The following CLSTN2 variants were observed in gnomAD, a reference collection of about 807,000 sequenced individuals.
CLSTN2 encodes the protein calsyntenin-2.
Under a neutral mutation model 101.2 loss-of-function variants are expected in CLSTN2, and 48 were observed. The ratio of observed to expected loss-of-function variants is 0.47; its 90% CI spans 0.38 to 0.60. CLSTN2 has a LOEUF of 0.60. CLSTN2 is among the 20% of genes least tolerant of loss of function. The probability of loss-of-function intolerance (pLI) is 0.00; values close to 1 mark genes in which losing one functional copy is unlikely to be tolerated. For missense variants in CLSTN2, 1,160 were observed against 1,238.2 expected, an observed-to-expected ratio of 0.94 and a Z score of 0.95; for synonymous variants, 481 against 463.6, an observed-to-expected ratio of 1.04 and a Z score of -0.48.
intron 2 of CLSTN2, among the ~76,000 whole-genome samples, chr3:140,243,006 T>C (rs1323480521): frequency 6.6e-6 from 1 of 152,230 alleles, no homozygotes; most frequent in African/African-American, 2.4e-5. Context: ...TTGTTAAGCT[T>C]GAAATCTTGC....
intron 1 of CLSTN2, among the ~76,000 whole-genome samples, chr3:140,076,749 A>G (rs1053881098): frequency 1.4e-5 from 2 of 147,330 alleles, no homozygotes; most frequent in African/African-American, 5.0e-5. Flanking sequence ...GAATGCCTGC[A>G]TGATTTATTT....
chr3:140,090,651 G>A (rs1038131831), intron 1 of CLSTN2, among the ~76,000 whole-genome samples: 2 of 152,094 alleles, frequency 1.3e-5, no homozygotes, highest in African/African-American at 2.4e-5. Flanking sequence ...CAGAAAATAG[G>A]GAACAGTGAA....
intron 2 of CLSTN2, among the ~76,000 whole-genome samples, chr3:140,319,223 C>T (rs904224753): frequency 6.6e-6 from 1 of 152,268 alleles, no homozygotes; most frequent in Middle Eastern, 3.4e-3. Context: ...TACTACAAGA[C>T]ACCTAGAGCC....
chr3:140,025,129 C>T (rs2007392083), intron 1 of CLSTN2, among the ~76,000 whole-genome samples: 1 of 152,162 alleles, frequency 6.6e-6, no homozygotes, highest in African/African-American at 2.4e-5. Flanking sequence ...CTTCAGCTCC[C>T]CATTTTTTGT....
intron 2 of CLSTN2, among the ~76,000 whole-genome samples, chr3:140,245,348 G>C (rs2086506697): frequency 6.6e-6 from 1 of 152,156 alleles, no homozygotes; most frequent in Non-Finnish European, 1.5e-5. Flanking sequence ...GTGCCAGGCT[G>C]TGTGCTGAGC....
chr3:140,278,162 C>T (rs528588074), intron 2 of CLSTN2, among the ~76,000 whole-genome samples: 1 of 152,280 alleles, frequency 6.6e-6, no homozygotes, highest in South Asian at 2.1e-4. Flanking sequence ...AGACTGAGCA[C>T]TCAAAATTGG....
intron 10 of CLSTN2, among the ~76,000 whole-genome samples, chr3:140,555,961 G>T (rs1576625356): frequency 6.6e-6 from 1 of 152,296 alleles, no homozygotes; most frequent in South Asian, 2.1e-4. Context: ...CAACTCATGG[G>T]AAACCAGAGT....
chr3:140,459,267 C>G (rs1933495650), intron 6 of CLSTN2, among the ~76,000 whole-genome samples: 1 of 152,222 alleles, frequency 6.6e-6, no homozygotes, highest in Non-Finnish European at 1.5e-5. Context: ...TCCTCCGACA[C>G]TTTTTTCTTG....
chr3:140,129,577 C>G (rs1194615094), intron 1 of CLSTN2, among the ~76,000 whole-genome samples: 1 of 152,170 alleles, frequency 6.6e-6, no homozygotes. Context: ...AATTGATGTT[C>G]TCATTATTAG....
chr3:140,323,040 T>C (rs2087298390), intron 2 of CLSTN2, among the ~76,000 whole-genome samples: 1 of 152,250 alleles, frequency 6.6e-6, no homozygotes, highest in Admixed American at 6.5e-5. Context: ...TGATGTATTA[T>C]ATTTGTTAAC....
chr3:140,372,598 A>G (rs1384086133), intron 2 of CLSTN2, among the ~76,000 whole-genome samples: 2 of 152,184 alleles, frequency 1.3e-5, no homozygotes, highest in Non-Finnish European at 2.9e-5. Context: ...TGGTGAGGTG[A>G]GTCTGAAGAC....
chr3:140,153,250 A>G (rs1016894766), intron 1 of CLSTN2, among the ~76,000 whole-genome samples: 1 of 152,238 alleles, frequency 6.6e-6, no homozygotes, highest in African/African-American at 2.4e-5. Context: ...TGGAGGAACA[A>G]GTACACCCGT....
At chr3:140,533,758 A>G (rs750948141) in intron 9 of CLSTN2, among the ~76,000 whole-genome samples, 11 of 151,656 alleles carry the variant, frequency 7.3e-5, no homozygotes, top group South Asian at 2.1e-4. Flanking sequence ...AGACCAACTG[A>G]CCCATGAGTG....
chr3:140,518,062 G>A (rs1934954513), intron 8 of CLSTN2, among the ~76,000 whole-genome samples: 1 of 152,074 alleles, frequency 6.6e-6, no homozygotes, highest in African/African-American at 2.4e-5. Flanking sequence ...TGTCACGCAG[G>A]TCACCAGAGA....
At chr3:140,103,200 C>A (rs996558362) in intron 1 of CLSTN2, among the ~76,000 whole-genome samples, 7 of 152,068 alleles carry the variant, frequency 4.6e-5, no homozygotes, top group African/African-American at 1.7e-4. Flanking sequence ...AGCAGCTGGG[C>A]AGAACAACTG....
chr3:140,359,325 T>C lies in CLSTN2; in HGVS notation c.233-44304T>C, dbSNP rs139142585. 1.4e-3 allele frequency among the ~76,000 whole-genome samples: 211 copies of C among 152,304 alleles called. 2 individuals carry two copies. Among genetic ancestry groups the C allele is most frequent in the African/African-American group, 4.8e-3 (201 of 41,558 alleles). ...GAACTTCTCAAATGCAAGGCTTAAA[T>C]TTAAACCATGTATGTCACATAATGA... is the stretch of plus-strand genomic sequence containing the variant. On this transcript the variant is annotated intron_variant, in intron 2 of 16. Transcript: ENST00000458420.
chr3:140,222,622 A>C (rs2086283947), intron 2 of CLSTN2, among the ~76,000 whole-genome samples: 1 of 152,156 alleles, frequency 6.6e-6, no homozygotes. Flanking sequence ...CAAAAATTAA[A>C]AATGAAAAAC....
chr3:140,256,311 A>T (rs1435032258), intron 2 of CLSTN2, among the ~76,000 whole-genome samples: 2 of 152,198 alleles, frequency 1.3e-5, no homozygotes, highest in Non-Finnish European at 2.9e-5. Context: ...TGCCCCAAAA[A>T]GCAACCTATG....
At chr3:140,276,427 G>A (rs1432505588) in intron 2 of CLSTN2, among the ~76,000 whole-genome samples, 1 of 152,222 alleles carries the variant, frequency 6.6e-6, no homozygotes, top group Non-Finnish European at 1.5e-5. Flanking sequence ...CTAGTGTAAA[G>A]AGAAGGAGTA....
Sources: gnomAD v4.1 joint callset for allele counts (sites outside exome capture counted in the v4.1 genomes callset) on GRCh38, gnomAD v4.1.1 for gene constraint, MANE v1.5 for transcripts, NCBI Gene and HGNC (gene_info 2026-07-23, HGNC 2026-07-21) for gene names.